Variants in FRMD3 observed in about 807,000 individuals in gnomAD.
The protein encoded by FRMD3 is FERM domain-containing protein 3.
In FRMD3, 33 loss-of-function variants were observed where a neutral mutation model predicts 70.2. The observed-to-expected ratio is 0.47, with a 90% CI of 0.36 to 0.63. The LOEUF is 0.63. Ranked by LOEUF, FRMD3 falls within the 20% of genes least tolerant of loss-of-function variation. FRMD3 has a pLI of 0.00. For synonymous variants in FRMD3, 279 were observed against 255.9 expected, an observed-to-expected ratio of 1.09 and a Z score of -0.86; for missense variants, 632 against 711.4, an observed-to-expected ratio of 0.89 and a Z score of 1.27.
At chr9:83,244,529 C>A (rs2118438752), downstream of FRMD3, 1 of 216,538 alleles carries the variant, frequency 4.6e-6, no homozygotes, top group Non-Finnish European at 7.6e-6. Context: ...ATATGTTGAC[C>A]TCATTTCATG....
intron 1 of FRMD3, among the ~76,000 whole-genome samples, chr9:83,480,034 ATAT>A (rs1468579401): frequency 6.6e-6 from 1 of 152,194 alleles, no homozygotes; most frequent in East Asian, 1.9e-4. Flanking sequence ...AAATGGTTTG[ATAT>A]TATCTCCTAA....
At chr9:83,312,685 C>T (rs10867985) in intron 7 of FRMD3, among the ~76,000 whole-genome samples, 27,280 of 151,994 alleles carry the variant, frequency 0.18, 2,530 homozygotes, top group African/African-American at 0.22. Context: ...GTACCCCTGG[C>T]TCTCCGCCTT....
At position 83,510,655 on chromosome 9, in the gene FRMD3, C is replaced by T. The variant is rs1311263971; in HGVS notation, c.147+27430G>A. ...GTGAATGGATCAACTAACTGCGGTA[C>T]GTCCATATAACGAAATAGTATTTGG... is the stretch of plus-strand genomic sequence containing the variant. On this transcript the variant is annotated intron_variant, in intron 1 of 13. Transcript: ENST00000304195. Among the ~76,000 whole-genome samples, 5 of 152,136 alleles carry T rather than the reference C, an allele frequency of 3.3e-5. No homozygotes were observed. In the East Asian group the frequency reaches 5.8e-4, roughly 18 times the overall value.
chr9:83,446,572 G>A (rs766917994), intron 1 of FRMD3, among the ~76,000 whole-genome samples: 46 of 150,982 alleles, frequency 3.0e-4, no homozygotes, highest in Non-Finnish European at 4.9e-4. Flanking sequence ...GCGTGAAACG[G>A]GGAGGCAGAG....
At chr9:83,405,487 C>G (rs547845583) in intron 1 of FRMD3, among the ~76,000 whole-genome samples, 1 of 152,100 alleles carries the variant, frequency 6.6e-6, no homozygotes, top group African/African-American at 2.4e-5. Flanking sequence ...TAGAGCTGGG[C>G]ACAGTGGCTC....
At chr9:83,469,639 T>C (rs1462525338) in intron 1 of FRMD3, among the ~76,000 whole-genome samples, 4 of 151,604 alleles carry the variant, frequency 2.6e-5, no homozygotes, top group Non-Finnish European at 5.9e-5. Flanking sequence ...ATGGAAAACA[T>C]GGAATTAAAT....
At chr9:83,337,304 A>G (rs1823612333) in intron 5 of FRMD3, among the ~76,000 whole-genome samples, 1 of 152,256 alleles carries the variant, frequency 6.6e-6, no homozygotes, top group East Asian at 1.9e-4. Flanking sequence ...ACCCTTTGTG[A>G]GAAATAAAGC....
chr9:83,481,585 G>A (rs1450084837), intron 1 of FRMD3, among the ~76,000 whole-genome samples: 1 of 152,110 alleles, frequency 6.6e-6, no homozygotes, highest in African/African-American at 2.4e-5. Flanking sequence ...ATTCGAAAGA[G>A]TCCAATTTTA....
rs551269674 is a variant in FRMD3, at chr9:83,365,558, G to A, written c.295+7355C>T. Among the ~76,000 whole-genome samples, 5 of 152,032 alleles carry A rather than the reference G, an allele frequency of 3.3e-5. No individual in the cohort carries two copies. The South Asian group carries it at 1.0e-3, about 32-fold the overall frequency. ...TGTGCATAGGGCATGGCTAGGGAAG[G>A]CAAGTGGAGAGATTTACAGAGGACA... On this transcript the variant is annotated intron_variant, in intron 3 of 13. Coordinates refer to ENST00000304195, the MANE Select transcript of FRMD3 (RefSeq NM_174938.6).
chr9:83,567,380 G>A, the FRMD3 span, among the ~76,000 whole-genome samples: 21 of 152,280 alleles, frequency 1.4e-4, no homozygotes, highest in East Asian at 1.9e-3. Flanking sequence ...AGGGACTGCC[G>A]TGAAGTTCTC....
At chr9:83,331,813 A>G in intron 6 of FRMD3, 3 of 717,142 alleles carry the variant, frequency 4.2e-6, no homozygotes, top group Non-Finnish European at 2.6e-6. Context: ...TGTGAGGGCC[A>G]TTAAGGGCTG....
chr9:83,545,795 G>A, the FRMD3 span, among the ~76,000 whole-genome samples: 1 of 152,160 alleles, frequency 6.6e-6, no homozygotes, highest in Non-Finnish European at 1.5e-5. Flanking sequence ...GGGAATAATT[G>A]AGGAAAACTT....
At chr9:83,429,225 C>T (rs114522984) in intron 1 of FRMD3, among the ~76,000 whole-genome samples, 1,819 of 152,276 alleles carry the variant, frequency 0.012, 48 homozygotes, top group African/African-American at 0.042. Flanking sequence ...CCTCCCGTCA[C>T]ATCTGAAGCT....
chr9:83,583,452 CTAT>C, the FRMD3 span, among the ~76,000 whole-genome samples: 1 of 152,134 alleles, frequency 6.6e-6, no homozygotes, highest in East Asian at 1.9e-4. Context: ...AGCCACATTT[CTAT>C]TATATTTTTT....
In FRMD3 at chr9:83,538,126, T is replaced by C. The variant is rs1231300141; in HGVS notation, c.106A>G (p.Ile36Val). Residue 36 changes from isoleucine (I) to valine (V), a missense_variant, in exon 1 of 14, where the codon ATC becomes GTC. By Grantham distance (29) the Ile-to-Val change is conservative. Coordinates refer to ENST00000304195, the MANE Select transcript of FRMD3 (RefSeq NM_174938.6). The surrounding 1 kb of genome is among the most constrained non-coding windows in gnomAD (Gnocchi z 4.7). ...ATCTCCGAGTCGTCCAGCAGCCGGA[T>C]GGTGCATCTCATCTCCTGGCTGAGC... ...KSLSQEMRCT[I>V]RLLDDSEISC... 6.2e-7 allele frequency: 1 copy of C among 1,613,684 alleles called. No homozygotes were observed. The highest frequency in any genetic ancestry group is 8.5e-7 in the Non-Finnish European group (1 of 1,179,788).
intron 13 of FRMD3, among the ~76,000 whole-genome samples, chr9:83,276,779 A>T (rs189905201): frequency 6.6e-6 from 1 of 152,330 alleles, no homozygotes; most frequent in East Asian, 1.9e-4. Flanking sequence ...GTGTGATTTC[A>T]GCTCACTGCA....
At chr9:83,442,960 A>C (rs985301377) in intron 1 of FRMD3, among the ~76,000 whole-genome samples, 1 of 152,182 alleles carries the variant, frequency 6.6e-6, no homozygotes, top group Non-Finnish European at 1.5e-5. Context: ...TTCATACTAA[A>C]CTTTTCATTA....
At chr9:83,313,838 CTAAA>C in intron 6 of FRMD3, 91 bp from the exon 7 acceptor site, 1 of 955,930 alleles carries the variant, frequency 1.0e-6, no homozygotes, top group Middle Eastern at 2.1e-4. Flanking sequence ...GTGTTCTAAG[CTAAA>C]TAAAGAGAAA....
chr9:83,371,013 TTTA>T (rs1250077938), intron 3 of FRMD3, among the ~76,000 whole-genome samples: 1 of 152,222 alleles, frequency 6.6e-6, no homozygotes, highest in Non-Finnish European at 1.5e-5. Context: ...TCTCACAAAG[TTTA>T]TTTTTTTGCT....
Sources: gnomAD v4.1 joint callset for allele counts (sites outside exome capture counted in the v4.1 genomes callset) on GRCh38, gnomAD v4.1.1 for gene constraint, Gnocchi (gnomAD v3.1) non-coding constraint, MANE v1.5 for transcripts, NCBI Gene and HGNC (gene_info 2026-07-23, HGNC 2026-07-21) for gene names.